ZNF280C: variants seen among roughly 807,000 people sequenced by gnomAD.
The protein encoded by ZNF280C is zinc finger protein 280C.
Under a neutral mutation model 53.6 loss-of-function variants are expected in ZNF280C, and 14 were observed. The ratio of observed to expected loss-of-function variants is 0.26; its 90% CI spans 0.17 to 0.41. ZNF280C has a LOEUF of 0.41. Among genes scored for constraint, ZNF280C ranks in the 10% least tolerant of loss-of-function variants. The pLI is 1.00. For synonymous variants in ZNF280C, 203 were observed against 181.1 expected (o/e 1.12, Z -0.97); for missense variants, 416 against 547.1 (o/e 0.76, Z 2.39).
At chrX:130,261,031 T>A (rs1175381317) in intron 1 of ZNF280C, among the ~76,000 whole-genome samples, 1 of 112,251 alleles carries the variant, frequency 8.9e-6, no homozygotes, top group Non-Finnish European at 1.9e-5. Context: ...TATTTTTAGT[T>A]TTTTGAAAAG....
At chrX:130,223,827 A>G (rs1025915392) in intron 12 of ZNF280C, among the ~76,000 whole-genome samples, 2 of 112,491 alleles carry the variant, frequency 1.8e-5, no homozygotes, top group African/African-American at 6.5e-5. Context: ...AATAAACCAT[A>G]GAGTCAATAA....
At chrX:130,242,002 G>A (rs2032396082) in intron 5 of ZNF280C, among the ~76,000 whole-genome samples, 1 of 95,417 alleles carries the variant, frequency 1.0e-5, no homozygotes, top group Non-Finnish European at 2.1e-5. Flanking sequence ...TGGGAAGCCG[G>A]GGGGGGGCGG....
At chrX:130,223,489 T>A (rs1378818023) in intron 12 of ZNF280C, among the ~76,000 whole-genome samples, 2 of 112,311 alleles carry the variant, frequency 1.8e-5, no homozygotes, top group Non-Finnish European at 3.8e-5. Context: ...TTAGGGAATG[T>A]GACACTGGGC....
At chrX:130,236,164 C>A in intron 8 of ZNF280C, 50 bp downstream of exon 8, 1 of 905,424 alleles carries the variant, frequency 1.1e-6, no homozygotes, top group South Asian at 2.5e-5. Flanking sequence ...TCAATATTTT[C>A]AAGGATCTAT....
chrX:130,219,378 T>G (rs773115416), intron 13 of ZNF280C, among the ~76,000 whole-genome samples: 8 of 106,554 alleles, frequency 7.5e-5, no homozygotes, highest in Non-Finnish European at 1.3e-4. Flanking sequence ...TCCCAACTAC[T>G]TGGGAGACTG....
chrX:130,246,343 C>T (rs780472665), intron 3 of ZNF280C, among the ~76,000 whole-genome samples: 10 of 112,109 alleles, frequency 8.9e-5, no homozygotes, highest in Non-Finnish European at 1.7e-4. Context: ...ACCAGAGATT[C>T]TATAATCATG....
At chrX:130,237,080 T>TA (rs1387212593) in intron 6 of ZNF280C, among the ~76,000 whole-genome samples, 1 of 112,167 alleles carries the variant, frequency 8.9e-6, no homozygotes, top group African/African-American at 3.2e-5. Context: ...GTAAAATATT[T>TA]AAAAAATTTA....
rs145055170 is a variant in ZNF280C at position 130,236,310 on chromosome X, G to T, written c.675C>A (p.Thr225=). Residue 225 remains threonine (T), a synonymous_variant, in exon 8 of 19, where the codon ACC becomes ACA. Coordinates refer to ENST00000370978, the MANE Select transcript of ZNF280C (RefSeq NM_017666.5). ...SQVMLSKGTN[T]SSPYDAGADY... is the part of the protein sequence containing the mutation. Reference sequence around the variant, plus strand: ...CTGCTCCAGCATCATATGGAGATGAGGTATTTGTACCTACAATAAATTAAG... The same window carrying T: ...CTGCTCCAGCATCATATGGAGATGATGTATTTGTACCTACAATAAATTAAG... 2.7e-5 allele frequency: 32 copies of T among 1,194,879 alleles called. No individual in the cohort carries two copies. In the African/African-American group the frequency reaches 4.6e-4, roughly 17 times the overall value.
intron 3 of ZNF280C, among the ~76,000 whole-genome samples, chrX:130,244,777 TAAAAAA>T (rs58124928): frequency 3.1e-5 from 2 of 65,413 alleles, no homozygotes; most frequent in East Asian, 5.3e-4. Context: ...GACTCCATCT[TAAAAAA>T]AAAAAAAAAA....
At chrX:130,251,802 A>C (rs1372145768) in intron 2 of ZNF280C, among the ~76,000 whole-genome samples, 3 of 110,046 alleles carry the variant, frequency 2.7e-5, no homozygotes, top group African/African-American at 9.9e-5. Flanking sequence ...AAAAAAAAAA[A>C]ACAAAAACAA....
chrX:130,241,454 C>T (rs1325262606), intron 5 of ZNF280C, among the ~76,000 whole-genome samples: 1 of 112,406 alleles, frequency 8.9e-6, no homozygotes, highest in Non-Finnish European at 1.9e-5. Context: ...GCAATGCTTC[C>T]ATTTAAAAAG....
At chrX:130,249,220 G>A (rs1376921935) in intron 2 of ZNF280C, among the ~76,000 whole-genome samples, 1 of 111,655 alleles carries the variant, frequency 9.0e-6, no homozygotes, top group Non-Finnish European at 1.9e-5. Context: ...ACACACAGTT[G>A]CCACCTGGGG....
intron 2 of ZNF280C, among the ~76,000 whole-genome samples, chrX:130,254,063 A>C (rs1331087135): frequency 8.9e-6 from 1 of 112,415 alleles, no homozygotes; most frequent in Non-Finnish European, 1.9e-5. Context: ...AATTTACAAG[A>C]AAAAAGCAAA....
intron 10 of ZNF280C, among the ~76,000 whole-genome samples, chrX:130,228,125 A>G (rs773602623): frequency 2.7e-5 from 3 of 112,087 alleles, no homozygotes; most frequent in Admixed American, 1.9e-4. Context: ...AAATCTTAAC[A>G]TTGTAGTTAA....
intron 10 of ZNF280C, among the ~76,000 whole-genome samples, chrX:130,228,216 A>G (rs1472999004): frequency 8.9e-6 from 1 of 112,606 alleles, no homozygotes; most frequent in African/African-American, 3.2e-5. Context: ...TTAGTCCCCT[A>G]CACCAATGCA....
chrX:130,216,874 C>T (rs2032110406), intron 13 of ZNF280C, among the ~76,000 whole-genome samples: 1 of 111,033 alleles, frequency 9.0e-6, no homozygotes, highest in African/African-American at 3.3e-5. Context: ...GTGGCAGGTA[C>T]CTGTAATCCC....
chrX:130,241,963 T>C (rs890176696), intron 5 of ZNF280C, among the ~76,000 whole-genome samples: 2 of 90,006 alleles, frequency 2.2e-5, no homozygotes, highest in Non-Finnish European at 4.2e-5. Flanking sequence ...CAGCTGGGCG[T>C]GGTGGCTCAC....
intron 6 of ZNF280C, among the ~76,000 whole-genome samples, 171 bp downstream of exon 6, chrX:130,239,411 A>T (rs2032365912): frequency 9.0e-6 from 1 of 111,554 alleles, no homozygotes. Flanking sequence ...CACTAAATAC[A>T]ATTTTCTATA....
At chrX:130,264,043 AAAAGAAAGAAAG>A (rs766511417) in intron 1 of ZNF280C, among the ~76,000 whole-genome samples, 1,831 of 102,944 alleles carry the variant, frequency 0.018, 21 homozygotes, top group Non-Finnish European at 0.026. Context: ...AAAAAAAAAG[AAAAGAAAGAAAG>A]AAAGAAAGAA....
Sources: gnomAD v4.1 joint callset for allele counts (sites outside exome capture counted in the v4.1 genomes callset) on GRCh38, gnomAD v4.1.1 for gene constraint, MANE v1.5 for transcripts, NCBI Gene and HGNC (gene_info 2026-07-23, HGNC 2026-07-21) for gene names.